ADAM10: variants seen among roughly 807,000 people sequenced by gnomAD.
The protein encoded by ADAM10 is ADAM metallopeptidase domain 10.
In ADAM10, 17 loss-of-function variants were observed where a neutral mutation model predicts 90.1. That is an observed-to-expected ratio of 0.19 (90% CI 0.13 to 0.28). The LOEUF is 0.28. ADAM10 is among the 10% of genes least tolerant of loss of function. The pLI is 1.00. For missense variants in ADAM10, 610 were observed against 914.3 expected, an observed-to-expected ratio of 0.67 and a Z score of 4.29; for synonymous variants, 310 against 298.6, an observed-to-expected ratio of 1.04 and a Z score of -0.40.
intron 2 of ADAM10, among the ~76,000 whole-genome samples, chr15:58,687,101 AC>A (rs1897623120): frequency 6.6e-6 from 1 of 152,248 alleles, no homozygotes; most frequent in Non-Finnish European, 1.5e-5. Context: ...CTAAATGAAG[AC>A]CAGAAAGTAC....
intron 6 of ADAM10, among the ~76,000 whole-genome samples, chr15:58,644,927 G>C (rs531381563): frequency 2.6e-5 from 4 of 152,216 alleles, no homozygotes; most frequent in Non-Finnish European, 5.9e-5. Flanking sequence ...ATTCTACAAG[G>C]AGATAAACGA....
chr15:58,679,476 G>C (rs1310235592), intron 3 of ADAM10, among the ~76,000 whole-genome samples, 194 bp from the exon 4 acceptor site: 1 of 152,040 alleles, frequency 6.6e-6, no homozygotes, highest in African/African-American at 2.4e-5. Flanking sequence ...TGTGAGATGT[G>C]AACAGCAACT....
chr15:58,638,347 G>T (rs764218320), intron 8 of ADAM10, among the ~76,000 whole-genome samples: 1 of 152,132 alleles, frequency 6.6e-6, no homozygotes, highest in South Asian at 2.1e-4. Flanking sequence ...GAAGTATCTT[G>T]TTTCACCTTT....
At chr15:58,680,508 T>C (rs1324768648) in intron 3 of ADAM10, among the ~76,000 whole-genome samples, 1 of 152,196 alleles carries the variant, frequency 6.6e-6, no homozygotes, top group East Asian at 1.9e-4. Context: ...TTAAAGATAT[T>C]GGACAAAGAT....
chr15:58,736,721 A>G (rs1899442338), intron 1 of ADAM10, among the ~76,000 whole-genome samples: 1 of 152,186 alleles, frequency 6.6e-6, no homozygotes. Flanking sequence ...TTTAGAAAGT[A>G]TAAAAATTTT....
intron 5 of ADAM10, among the ~76,000 whole-genome samples, chr15:58,653,959 G>A: frequency 6.6e-6 from 1 of 152,074 alleles, no homozygotes; most frequent in East Asian, 1.9e-4. Flanking sequence ...GTCTAAGAAT[G>A]TATCCATTTT....
chr15:58,691,666 ACTTCTT>A (rs754125219), intron 2 of ADAM10: 1 of 289,014 alleles, frequency 3.5e-6, no homozygotes, highest in Non-Finnish European at 6.6e-6. Context: ...AGCTCAAGCC[ACTTCTT>A]CTTCTTTTTT....
Position 58,597,158 on chromosome 15 carries a change from C to A in ADAM10, c.*389G>T. 2.1e-6 allele frequency: 1 copy of A among 485,174 alleles called. No homozygotes were observed. Among genetic ancestry groups the A allele is most frequent in the Non-Finnish European group, 3.7e-6 (1 of 271,874 alleles). The allele number at this position is 485,174 out of a possible 1,614,324, so 30.1% of individuals were successfully genotyped here. On this transcript the variant is annotated 3_prime_UTR_variant, in exon 16 of 16. Coordinates refer to ENST00000260408, the MANE Select transcript of ADAM10 (RefSeq NM_001110.4). ...TGTTGAGGTGGTCGAGCCTCCTAGCCTTGATTGGCAGTTGAAAAAAATATA... is the reference window on the plus strand; with the variant it reads ...TGTTGAGGTGGTCGAGCCTCCTAGCATTGATTGGCAGTTGAAAAAAATATA...
chr15:58,748,249 TG>T (rs1384267492), intron 1 of ADAM10: 2 of 152,230 alleles, frequency 1.3e-5, no homozygotes, highest in Non-Finnish European at 1.5e-5. Flanking sequence ...GAAATACACT[TG>T]GTCCTGCAGT....
intron 5 of ADAM10, among the ~76,000 whole-genome samples, chr15:58,663,112 T>A (rs896636793): frequency 6.6e-5 from 10 of 152,258 alleles, no homozygotes; most frequent in Non-Finnish European, 1.3e-4. Context: ...TAGTTAGATA[T>A]CAGTTACTCT....
chr15:58,693,263 C>T (rs1317697472), intron 2 of ADAM10: 2 of 554,726 alleles, frequency 3.6e-6, no homozygotes, highest in Admixed American at 2.6e-5. Context: ...ATGCACACGG[C>T]ACCAAGGCTG....
At chr15:58,655,213 CGTT>C (rs1896778896) in intron 5 of ADAM10, 1 of 152,018 alleles carries the variant, frequency 6.6e-6, no homozygotes, top group Admixed American at 6.6e-5. Flanking sequence ...GCCATTTTTG[CGTT>C]GTTATAAAGA....
chr15:58,676,998 G>A (rs1193158822), intron 4 of ADAM10, among the ~76,000 whole-genome samples: 1 of 151,964 alleles, frequency 6.6e-6, no homozygotes, highest in Non-Finnish European at 1.5e-5. Context: ...TGCGAACCAC[G>A]GTCTAGAATA....
intron 4 of ADAM10, among the ~76,000 whole-genome samples, chr15:58,678,446 T>C (rs1272240742): frequency 3.9e-5 from 6 of 152,128 alleles, no homozygotes; most frequent in African/African-American, 1.4e-4. Context: ...AGTCAAAAAA[T>C]AATAAATGGG....
chr15:58,735,563 A>AT lies in ADAM10; in HGVS notation c.55+13916dup, dbSNP rs533372447. Among the ~76,000 whole-genome samples the AT allele has an allele frequency of 1.9e-4, 29 of 152,334 alleles. 1 individual carries two copies. The South Asian group carries it at 5.6e-3, about 29-fold the overall frequency. ...ATTTTAAATAATCTCTAGACTACTT[A>AT]TAATACACAATACAATGTAAATCCT... On this transcript the variant is annotated intron_variant, in intron 1 of 15. Coordinates refer to ENST00000260408, the MANE Select transcript of ADAM10 (RefSeq NM_001110.4).
intron 2 of ADAM10, among the ~76,000 whole-genome samples, chr15:58,699,499 C>A (rs1234445607): frequency 6.6e-6 from 1 of 152,178 alleles, no homozygotes; most frequent in African/African-American, 2.4e-5. Context: ...TGGCTCACAT[C>A]TGTAATCCTA....
intron 1 of ADAM10, among the ~76,000 whole-genome samples, chr15:58,726,280 C>A (rs1899023852): frequency 6.6e-6 from 1 of 151,960 alleles, no homozygotes; most frequent in African/African-American, 2.4e-5. Flanking sequence ...ATCATAAAGC[C>A]AATAGCAGAG....
At position 58,678,573 on chromosome 15, in the gene ADAM10, T is replaced by C. The variant is rs1897347505; in HGVS notation, c.484+551A>G. On this transcript the variant is annotated intron_variant, in intron 4 of 15. Coordinates refer to ENST00000260408, the MANE Select transcript of ADAM10 (RefSeq NM_001110.4). ...ATAGAATTAAAAGGTAAAGTCTAAA[T>C]ACATTTTCTATTCTTAGAAAAATAT... is the stretch of plus-strand genomic sequence containing the variant. Among the ~76,000 whole-genome samples, 3 of 152,156 alleles carry C rather than the reference T, an allele frequency of 2.0e-5. No homozygotes were observed. The South Asian group carries it at 6.2e-4, about 32-fold the overall frequency.
chr15:58,724,997 C>T (rs1204729774), intron 1 of ADAM10, among the ~76,000 whole-genome samples: 2 of 151,052 alleles, frequency 1.3e-5, no homozygotes, highest in African/African-American at 4.9e-5. Flanking sequence ...TCAAGACGAG[C>T]CTGGGCAACA....
Sources: gnomAD v4.1 joint callset for allele counts (sites outside exome capture counted in the v4.1 genomes callset) on GRCh38, gnomAD v4.1.1 for gene constraint, MANE v1.5 for transcripts, NCBI Gene and HGNC (gene_info 2026-07-23, HGNC 2026-07-21) for gene names.